ADGRL2: variants seen among roughly 807,000 people sequenced by gnomAD.
ADGRL2 encodes the protein adhesion G protein-coupled receptor L2.
Under a neutral mutation model 157.4 loss-of-function variants are expected in ADGRL2, and 44 were observed. The ratio of observed to expected loss-of-function variants is 0.28; its 90% CI spans 0.22 to 0.36. The LOEUF is 0.36. Among genes scored for constraint, ADGRL2 ranks in the 10% least tolerant of loss-of-function variants. ADGRL2 has a pLI of 1.00. For missense variants in ADGRL2, 1,510 were observed against 1,768.9 expected (o/e 0.85, Z 2.63); for synonymous variants, 585 against 624.7 (o/e 0.94, Z 0.95).
intron 2 of ADGRL2, among the ~76,000 whole-genome samples, chr1:81,764,375 A>C (rs1334151972): frequency 6.6e-6 from 1 of 152,080 alleles, no homozygotes; most frequent in Non-Finnish European, 1.5e-5. Flanking sequence ...CTTAGCATAA[A>C]TGTATAAATT....
At chr1:81,345,872 T>C (rs187263233) in intron 1 of ADGRL2, among the ~76,000 whole-genome samples, 187 of 152,378 alleles carry the variant, frequency 1.2e-3, no homozygotes, top group Non-Finnish European at 2.3e-3. Context: ...ATTCATTATG[T>C]ATTATATTCA....
At chr1:81,912,587 A>G (rs1287707288) in intron 3 of ADGRL2, among the ~76,000 whole-genome samples, 1 of 152,158 alleles carries the variant, frequency 6.6e-6, no homozygotes, top group Non-Finnish European at 1.5e-5. Flanking sequence ...AATAAATGAT[A>G]TCACCCACAG....
At chr1:81,338,500 G>T (rs770142560) in intron 1 of ADGRL2, among the ~76,000 whole-genome samples, 2 of 152,124 alleles carry the variant, frequency 1.3e-5, no homozygotes, top group Non-Finnish European at 2.9e-5. Flanking sequence ...TGATTACATG[G>T]TGTCTAACTT....
chr1:81,802,514 C>A (rs1294759297), intron 1 of ADGRL2, among the ~76,000 whole-genome samples: 1 of 152,140 alleles, frequency 6.6e-6, no homozygotes, highest in African/African-American at 2.4e-5. Flanking sequence ...AGGCATCAGT[C>A]TAGTTGCCGG....
At chr1:81,364,324 T>C (rs1292346776) in intron 1 of ADGRL2, among the ~76,000 whole-genome samples, 1 of 152,272 alleles carries the variant, frequency 6.6e-6, no homozygotes, top group South Asian at 2.1e-4. Context: ...CAGTTCTTCA[T>C]AGGTATTTTC....
chr1:81,861,186 A>G (rs1174131253), intron 2 of ADGRL2, among the ~76,000 whole-genome samples: 1 of 151,856 alleles, frequency 6.6e-6, no homozygotes, highest in East Asian at 1.9e-4. Flanking sequence ...ACGCTTGGCT[A>G]ATTTCTGTAT....
intron 1 of ADGRL2, among the ~76,000 whole-genome samples, chr1:81,700,036 G>C (rs2083529010): frequency 6.6e-6 from 1 of 152,222 alleles, no homozygotes; most frequent in Non-Finnish European, 1.5e-5. Flanking sequence ...GCAGAGAAAT[G>C]AGGAAGATGG....
At chr1:81,802,699 C>A (rs2088437427) in intron 1 of ADGRL2, among the ~76,000 whole-genome samples, 1 of 152,142 alleles carries the variant, frequency 6.6e-6, no homozygotes, top group South Asian at 2.1e-4. Context: ...CCGGGGCCAC[C>A]CCAGCGTCCC....
At chr1:81,437,151 C>T (rs1023072088) in intron 1 of ADGRL2, among the ~76,000 whole-genome samples, 6 of 152,208 alleles carry the variant, frequency 3.9e-5, no homozygotes, top group Non-Finnish European at 8.8e-5. Flanking sequence ...TATTTAACCT[C>T]ATGAACAAAA....
chr1:81,381,933 C>T (rs2101053132), intron 1 of ADGRL2, among the ~76,000 whole-genome samples: 1 of 152,272 alleles, frequency 6.6e-6, no homozygotes, highest in Non-Finnish European at 1.5e-5. Flanking sequence ...CTTGCCTGGC[C>T]TGATTTTTGC....
chr1:81,597,385 A>C (rs1290934681), intron 3 of ADGRL2, among the ~76,000 whole-genome samples: 1 of 152,214 alleles, frequency 6.6e-6, no homozygotes, highest in Non-Finnish European at 1.5e-5. Flanking sequence ...ATATGAAAAA[A>C]TAAAGAAAAA....
At chr1:81,421,818 C>G (rs1220535898) in intron 1 of ADGRL2, among the ~76,000 whole-genome samples, 2 of 151,988 alleles carry the variant, frequency 1.3e-5, no homozygotes, top group African/African-American at 4.8e-5. Flanking sequence ...AGACTGCATT[C>G]AAAATTTGGG....
intron 2 of ADGRL2, among the ~76,000 whole-genome samples, chr1:81,489,774 G>A (rs2078590200): frequency 6.6e-6 from 1 of 152,188 alleles, no homozygotes; most frequent in South Asian, 2.1e-4. Context: ...TTTCTCATTA[G>A]AAATTGTAGA....
At chr1:81,629,270 G>A (rs2148746044) in intron 3 of ADGRL2, among the ~76,000 whole-genome samples, 1 of 152,186 alleles carries the variant, frequency 6.6e-6, no homozygotes, top group Non-Finnish European at 1.5e-5. Flanking sequence ...CCATGCATAT[G>A]GCAGTTAAAT....
At chr1:81,802,160 C>A (rs1161144224) in intron 1 of ADGRL2, among the ~76,000 whole-genome samples, 1 of 151,556 alleles carries the variant, frequency 6.6e-6, no homozygotes, top group Non-Finnish European at 1.5e-5. Flanking sequence ...GTAGCCGCTG[C>A]CCTCCGCGCC....
At chr1:81,521,011 G>A (rs528286438) in intron 2 of ADGRL2, among the ~76,000 whole-genome samples, 117 of 152,262 alleles carry the variant, frequency 7.7e-4, no homozygotes, top group African/African-American at 2.6e-3. Context: ...TTTAAAATAA[G>A]CCAGAAAGTT....
intron 2 of ADGRL2, among the ~76,000 whole-genome samples, chr1:81,544,901 G>A (rs936457622): frequency 6.6e-6 from 1 of 152,122 alleles, no homozygotes; most frequent in African/African-American, 2.4e-5. Flanking sequence ...TTGATTTCCC[G>A]CTATGTGATG....
chr1:81,838,709 T>TA (rs1460714673), intron 2 of ADGRL2, among the ~76,000 whole-genome samples: 3 of 152,022 alleles, frequency 2.0e-5, no homozygotes, highest in African/African-American at 7.2e-5. Flanking sequence ...CTAATCAAGT[T>TA]AGAGATCACT....
At chr1:81,722,601 C>A in intron 1 of ADGRL2, 1 of 1,446,276 alleles carries the variant, frequency 6.9e-7, no homozygotes, top group Non-Finnish European at 9.6e-7. Flanking sequence ...AAGATGTAGC[C>A]CATGATCTTG....
Sources: allele counts gnomAD v4.1 joint callset (sites outside exome capture counted in the v4.1 genomes callset), GRCh38; gene constraint gnomAD v4.1.1; transcripts MANE v1.5; gene names NCBI Gene and HGNC (gene_info 2026-07-23, HGNC 2026-07-21).